Variants in CSMD1 observed in about 807,000 individuals in gnomAD.
CSMD1 encodes CUB and Sushi multiple domains 1.
A neutral mutation model predicts 417.5 loss-of-function variants in CSMD1; 213 were observed. The ratio of observed to expected loss-of-function variants is 0.51; its 90% CI spans 0.46 to 0.57. The LOEUF is 0.57. Among genes scored for constraint, CSMD1 ranks in the 20% least tolerant of loss-of-function variants. The pLI is 0.00. For synonymous variants in CSMD1, 2,862 were observed against 1,736.8 expected (o/e 1.65, Z -16.11); for missense variants, 6,923 against 4,529.7 (o/e 1.53, Z -15.17).
chr8:4,063,560 C>A (rs905615575), intron 3 of CSMD1, among the ~76,000 whole-genome samples: 6 of 152,120 alleles, frequency 3.9e-5, no homozygotes, highest in Non-Finnish European at 8.8e-5. Context: ...AAGAACCAGC[C>A]ATTAATTTAA....
intron 3 of CSMD1, among the ~76,000 whole-genome samples, chr8:4,283,754 A>G (rs920922696): frequency 1.4e-5 from 2 of 147,812 alleles, no homozygotes; most frequent in African/African-American, 5.0e-5. Context: ...GTTTTATCAT[A>G]TTAAAATTCT....
intron 3 of CSMD1, among the ~76,000 whole-genome samples, chr8:4,334,451 A>C (rs1019521878): frequency 2.0e-5 from 3 of 152,164 alleles, no homozygotes; most frequent in African/African-American, 7.2e-5. Flanking sequence ...TCAAGACTGC[A>C]ACATCAAACT....
intron 6 of CSMD1, among the ~76,000 whole-genome samples, chr8:3,711,287 C>G (rs1201916076): frequency 6.6e-6 from 1 of 152,090 alleles, no homozygotes; most frequent in Non-Finnish European, 1.5e-5. Flanking sequence ...CATGAATAGA[C>G]CACAGGGATC....
chr8:4,205,548 T>C (rs1273253727), intron 3 of CSMD1, among the ~76,000 whole-genome samples: 1 of 152,194 alleles, frequency 6.6e-6, no homozygotes, highest in Non-Finnish European at 1.5e-5. Context: ...ACATTGAAAG[T>C]TGACGGAACT....
At chr8:3,132,720 T>A (rs1817859169) in intron 41 of CSMD1, among the ~76,000 whole-genome samples, 1 of 152,220 alleles carries the variant, frequency 6.6e-6, no homozygotes, top group Non-Finnish European at 1.5e-5. Flanking sequence ...GTAATCTGCA[T>A]AACAAGACAA....
intron 3 of CSMD1, among the ~76,000 whole-genome samples, chr8:4,080,026 A>T (rs1362736391): frequency 3.3e-5 from 5 of 151,700 alleles, no homozygotes; most frequent in Non-Finnish European, 7.4e-5. Context: ...TCTAGATATC[A>T]AAAGGGTGGT....
At chr8:4,271,554 T>C (rs1175657515) in intron 3 of CSMD1, among the ~76,000 whole-genome samples, 7 of 151,064 alleles carry the variant, frequency 4.6e-5, no homozygotes, top group Admixed American at 1.3e-4. Context: ...CCATTACAAT[T>C]ACATTTCAAA....
intron 29 of CSMD1, among the ~76,000 whole-genome samples, 183 bp downstream of exon 29, chr8:3,219,072 T>C (rs1798051634): frequency 6.6e-6 from 1 of 152,118 alleles, no homozygotes; most frequent in South Asian, 2.1e-4. Flanking sequence ...CCAGTTAAAG[T>C]AGAAATGCAC....
intron 25 of CSMD1, among the ~76,000 whole-genome samples, chr8:3,288,308 T>A (rs12716594): frequency 4.8e-5 from 7 of 146,176 alleles, no homozygotes; most frequent in Admixed American, 3.4e-4. Context: ...GAGGATGATG[T>A]TGGCCTCATA....
intron 7 of CSMD1, among the ~76,000 whole-genome samples, chr8:3,684,629 G>T (rs1394435440): frequency 1.1e-4 from 15 of 131,942 alleles, no homozygotes; most frequent in African/African-American, 4.3e-4. Flanking sequence ...ACGGAGTCTC[G>T]CTCTCTCGCC....
intron 5 of CSMD1, among the ~76,000 whole-genome samples, chr8:3,770,329 G>A (rs911654693): frequency 6.6e-6 from 1 of 152,152 alleles, no homozygotes; most frequent in Admixed American, 6.5e-5. Context: ...AGGAGTTCAA[G>A]ACCAGCCTGT....
intron 6 of CSMD1, among the ~76,000 whole-genome samples, chr8:3,733,821 T>C (rs1340492734): frequency 6.6e-6 from 1 of 152,182 alleles, no homozygotes; most frequent in Non-Finnish European, 1.5e-5. Context: ...GTTTTTACTT[T>C]ATTATTAGTT....
At chr8:4,766,861 T>C (rs544902952) in intron 1 of CSMD1, among the ~76,000 whole-genome samples, 239 of 152,334 alleles carry the variant, frequency 1.6e-3, no homozygotes, top group African/African-American at 5.5e-3. Context: ...TGTATAAATA[T>C]ATAAATATAC....
chr8:3,658,528 A>G (rs1294628571), intron 7 of CSMD1, among the ~76,000 whole-genome samples: 2 of 150,468 alleles, frequency 1.3e-5, no homozygotes, highest in East Asian at 1.9e-4. Flanking sequence ...CATGCCTGTA[A>G]TCCCAGCACT....
chr8:2,999,928 G>A (rs780999694), intron 53 of CSMD1, 30 bp downstream of exon 53: 3 of 1,572,862 alleles, frequency 1.9e-6, no homozygotes, highest in Admixed American at 1.7e-5. Context: ...AGGAAGCATC[G>A]ATGAATTCGT....
Position 3,951,005 on chromosome 8 carries a change from C to A in CSMD1, c.818+46898G>T, listed in dbSNP as rs56731998. Among the ~76,000 whole-genome samples the A allele has an allele frequency of 9.5e-3, 1,453 of 152,218 alleles. 23 individuals are homozygous for A. The highest frequency in any genetic ancestry group is 0.033 in the African/African-American group (1,380 of 41,528). The stretch of plus-strand genomic sequence containing the variant: ...ACAGTAAAAGCATAATTCAACTGAG[C>A]CCCGTTTCTGATCTACAAAAGTCAC... On this transcript the variant is annotated intron_variant, in intron 5 of 69. Coordinates refer to ENST00000635120, the MANE Select transcript of CSMD1 (RefSeq NM_033225.6).
intron 5 of CSMD1, among the ~76,000 whole-genome samples, chr8:3,900,526 G>C (rs773942771): frequency 2.6e-5 from 4 of 151,946 alleles, no homozygotes; most frequent in African/African-American, 7.3e-5. Context: ...TGACACTACA[G>C]CTGGGTGACA....
chr8:4,029,310 G>C (rs144629395), intron 4 of CSMD1, among the ~76,000 whole-genome samples: 1 of 152,196 alleles, frequency 6.6e-6, no homozygotes, highest in African/African-American at 2.4e-5. Flanking sequence ...TCACGCTGGT[G>C]ATAATGCATA....
chr8:3,502,069 T>C (rs1385532567), intron 10 of CSMD1, among the ~76,000 whole-genome samples: 1 of 152,160 alleles, frequency 6.6e-6, no homozygotes, highest in Admixed American at 6.5e-5. Context: ...TCATATATCT[T>C]GGAATTTAAC....
Sources: gnomAD v4.1 joint callset for allele counts (sites outside exome capture counted in the v4.1 genomes callset) on GRCh38, gnomAD v4.1.1 for gene constraint, MANE v1.5 for transcripts, NCBI Gene and HGNC (gene_info 2026-07-23, HGNC 2026-07-21) for gene names.